Variants in HACD3 observed in about 807,000 individuals in gnomAD.
The protein encoded by HACD3 is 3-hydroxyacyl-CoA dehydratase 3, also known as very-long-chain (3R)-3-hydroxyacyl-CoA dehydratase 3.
In HACD3, 30 loss-of-function variants were observed where a neutral mutation model predicts 55.2. The observed-to-expected ratio is 0.54, with a 90% CI of 0.41 to 0.74. The LOEUF is 0.74. Ranked by LOEUF, HACD3 falls within the 30% of genes least tolerant of loss-of-function variation. HACD3 has a pLI of 0.00. For synonymous variants in HACD3, 141 were observed against 151.7 expected, an observed-to-expected ratio of 0.93 and a Z score of 0.52; for missense variants, 363 against 440.1, an observed-to-expected ratio of 0.82 and a Z score of 1.57.
In HACD3 at chr15:65,576,615, A is replaced by C. The variant is rs1011264610; in HGVS notation, c.*236A>C. 7.4e-6 allele frequency: 4 copies of C among 542,436 alleles called. No homozygotes were observed. The highest frequency in any genetic ancestry group is 1.3e-5 in the Non-Finnish European group (4 of 310,504). The allele number at this position is 542,436 out of a possible 1,614,324, so 33.6% of individuals were successfully genotyped here. A position where few individuals can be genotyped will look rare whatever the true frequency, so the allele number is the denominator to read the frequency against. ...CATTCTTGTGTATTCAGTTAATGAC[A>C]CCAAAAGGCTCAGCCCACCCCAACC... is the stretch of plus-strand genomic sequence containing the variant. On this transcript the variant is annotated 3_prime_UTR_variant, in exon 11 of 11. Transcript: ENST00000261875.
At chr15:65,530,926 G>A in intron 1 of HACD3, 1 of 532,004 alleles carries the variant, frequency 1.9e-6, no homozygotes. Flanking sequence ...AGGGCTGCAG[G>A]AACCTTCGGG....
chr15:65,533,414 CTG>C (rs1294552580), intron 1 of HACD3, among the ~76,000 whole-genome samples: 9 of 152,186 alleles, frequency 5.9e-5, no homozygotes, highest in Non-Finnish European at 1.2e-4. Flanking sequence ...AAGAACAAAA[CTG>C]TAATTGCTAC....
At chr15:65,558,871 C>T in intron 5 of HACD3, 140 bp downstream of exon 5, 1 of 952,064 alleles carries the variant, frequency 1.1e-6, no homozygotes, top group Non-Finnish European at 1.6e-6. Context: ...GCTTTTAGGT[C>T]CAGTGCTTAA....
At chr15:65,542,209 C>A (rs1297828548) in intron 1 of HACD3, among the ~76,000 whole-genome samples, 10 of 111,022 alleles carry the variant, frequency 9.0e-5, no homozygotes, top group Non-Finnish European at 1.5e-4. Context: ...AGCCTGGCGA[C>A]AGAGTGAGAC....
rs1010980271 is a variant in HACD3 at position 65,549,134 on chromosome 15, A to C, written c.88-2542A>C. Among the ~76,000 whole-genome samples, 8 of 152,342 alleles carry C rather than the reference A, an allele frequency of 5.3e-5. No individual in the cohort carries two copies. The East Asian group carries it at 1.5e-3, about 29-fold the overall frequency. On this transcript the variant is annotated intron_variant, in intron 1 of 10. Coordinates refer to ENST00000261875, the MANE Select transcript of HACD3 (RefSeq NM_016395.4). ...TAAAAACAACTAAAAGTGTTGAATAAAAATGTCTTAAAAACATCGAAAAGT... is the reference window on the plus strand; with the variant it reads ...TAAAAACAACTAAAAGTGTTGAATACAAATGTCTTAAAAACATCGAAAAGT...
chr15:65,561,358 C>T (rs1286264073), intron 5 of HACD3, among the ~76,000 whole-genome samples: 3 of 151,700 alleles, frequency 2.0e-5, no homozygotes, highest in Admixed American at 1.3e-4. Context: ...CTCAGCTACT[C>T]GGGAGGCTGA....
rs754963020 is a variant in HACD3, at chr15:65,570,078, GTCTT to G, written c.661-9_661-6del. ...TTATTAACTTTTTTCTCTCTTTTGG[GTCTT>G]TCTAATAGCTTCTTGGAAGAAATTT... On this transcript the variant is annotated splice_polypyrimidine_tract_variant and intron_variant, in intron 7 of 10. Coordinates refer to ENST00000261875, the MANE Select transcript of HACD3 (RefSeq NM_016395.4). 16 of 1,525,478 alleles carry G rather than the reference GTCTT, an allele frequency of 1.0e-5. No individual in the cohort carries two copies. The highest frequency in any genetic ancestry group is 1.4e-5 in the African/African-American group (1 of 72,172). The allele number at this position is 1,525,478 out of a possible 1,614,324, so 94.5% of individuals were successfully genotyped here. A position where few individuals can be genotyped will look rare whatever the true frequency, so the allele number is the denominator to read the frequency against.
chr15:65,568,700 A>G (rs1418795436), intron 7 of HACD3, among the ~76,000 whole-genome samples: 2 of 152,172 alleles, frequency 1.3e-5, no homozygotes, highest in African/African-American at 4.8e-5. Context: ...GGGAAAAAGA[A>G]AAAAGCAAAA....
chr15:65,571,783 C>G, intron 9 of HACD3, 129 bp downstream of exon 9: 1 of 721,460 alleles, frequency 1.4e-6, no homozygotes, highest in Non-Finnish European at 2.3e-6. Context: ...GATTTCTTTC[C>G]ATGGGCTTCC....
chr15:65,559,857 T>C (rs2072228208), intron 5 of HACD3, among the ~76,000 whole-genome samples: 1 of 152,172 alleles, frequency 6.6e-6, no homozygotes, highest in Non-Finnish European at 1.5e-5. Context: ...AAAATTCTAA[T>C]ATATGGATTT....
At chr15:65,555,549 T>C (rs2072180938) in intron 3 of HACD3, among the ~76,000 whole-genome samples, 1 of 152,184 alleles carries the variant, frequency 6.6e-6, no homozygotes, top group African/African-American at 2.4e-5. Flanking sequence ...TACACTTAGC[T>C]CTGGTGGCTT....
At chr15:65,552,077 C>G (rs1312469908) in intron 2 of HACD3, 7 of 179,602 alleles carry the variant, frequency 3.9e-5, no homozygotes, top group Admixed American at 3.5e-4. Flanking sequence ...ATCTGTGTTT[C>G]TCAAACTCGA....
At chr15:65,532,346 C>T (rs1458542797) in intron 1 of HACD3, among the ~76,000 whole-genome samples, 2 of 152,136 alleles carry the variant, frequency 1.3e-5, no homozygotes, top group Non-Finnish European at 2.9e-5. Flanking sequence ...ACGGAACAGG[C>T]CAGGTGCTGT....
At chr15:65,546,671 CA>C (rs773041697) in intron 1 of HACD3, among the ~76,000 whole-genome samples, 7 of 152,170 alleles carry the variant, frequency 4.6e-5, no homozygotes, top group Non-Finnish European at 1.0e-4. Flanking sequence ...AAACTACTGG[CA>C]TCAAGTGATC....
At chr15:65,538,301 A>G (rs1567330768) in intron 1 of HACD3, among the ~76,000 whole-genome samples, 1 of 152,180 alleles carries the variant, frequency 6.6e-6, no homozygotes, top group African/African-American at 2.4e-5. Flanking sequence ...ATTCATAGGA[A>G]GAGGTCAAAA....
At chr15:65,545,441 G>A (rs368967671) in intron 1 of HACD3, among the ~76,000 whole-genome samples, 3 of 151,918 alleles carry the variant, frequency 2.0e-5, no homozygotes, top group Admixed American at 1.3e-4. Flanking sequence ...GCATGAACCT[G>A]GATTGGATCC....
intron 3 of HACD3, 95 bp downstream of exon 3, chr15:65,555,055 A>G (rs776447494): frequency 3.1e-6 from 3 of 980,672 alleles, no homozygotes; most frequent in South Asian, 1.4e-5. Flanking sequence ...AGAGAAGAAG[A>G]TAAAAACCAA....
chr15:65,576,577 C>T lies in HACD3; in HGVS notation c.*198C>T, dbSNP rs184280722. On this transcript the variant is annotated 3_prime_UTR_variant, in exon 11 of 11. Coordinates refer to ENST00000261875, the MANE Select transcript of HACD3 (RefSeq NM_016395.4). ...CTTGCATGACATGGATTCCTGATAT[C>T]TGATGAGAGGTTCATTCTTGTGTAT... 1 of 628,200 alleles carries T rather than the reference C, an allele frequency of 1.6e-6. No individual in the cohort carries two copies. The highest frequency in any genetic ancestry group is 1.8e-5 in the African/African-American group (1 of 54,246). 38.9% of individuals were successfully genotyped at this position (628,200 alleles called of 1,614,324 possible).
intron 1 of HACD3, among the ~76,000 whole-genome samples, chr15:65,542,227 CAAAAAAAAA>C (rs527287203): frequency 1.6e-5 from 1 of 63,240 alleles, no homozygotes; most frequent in Admixed American, 2.0e-4. Context: ...GACTCCATCT[CAAAAAAAAA>C]AAAAAAAAAA....
Sources: allele counts gnomAD v4.1 joint callset (sites outside exome capture counted in the v4.1 genomes callset), GRCh38; gene constraint gnomAD v4.1.1; transcripts MANE v1.5; gene names NCBI Gene and HGNC (gene_info 2026-07-23, HGNC 2026-07-21).